Variants in RANBP2 observed in about 807,000 individuals in gnomAD.
RANBP2 encodes the protein E3 SUMO-protein ligase RanBP2.
Under a neutral mutation model 303.6 loss-of-function variants are expected in RANBP2, and 57 were observed. The observed-to-expected ratio is 0.19, with a 90% CI of 0.15 to 0.23. The LOEUF is 0.23. Ranked by LOEUF, RANBP2 falls within the 10% of genes least tolerant of loss-of-function variation. The pLI is 1.00. For synonymous variants in RANBP2, 1,167 were observed against 1,301.5 expected, an observed-to-expected ratio of 0.90 and a Z score of 2.23; for missense variants, 3,138 against 3,780.8, an observed-to-expected ratio of 0.83 and a Z score of 4.46.
the RANBP2 span, among the ~76,000 whole-genome samples, chr2:109,519,687 A>G: frequency 4.6e-5 from 7 of 152,230 alleles, no homozygotes; most frequent in Non-Finnish European, 8.8e-5. Context: ...TCGGCTAGTT[A>G]GCATTTCATT....
At chr2:108,932,613 G>C in the RANBP2 span, among the ~76,000 whole-genome samples, 2 of 151,746 alleles carry the variant, frequency 1.3e-5, no homozygotes, top group African/African-American at 4.8e-5. Flanking sequence ...AGCAGCCAGG[G>C]AACGGTGGAG....
chr2:109,531,945 A>G, the RANBP2 span, among the ~76,000 whole-genome samples: 5 of 152,244 alleles, frequency 3.3e-5, no homozygotes, highest in Non-Finnish European at 7.3e-5. Context: ...CACTTGGCCA[A>G]AGATCTTTTT....
At chr2:109,287,091 A>T in the RANBP2 span, among the ~76,000 whole-genome samples, 2 of 152,108 alleles carry the variant, frequency 1.3e-5, no homozygotes, top group African/African-American at 4.8e-5. Flanking sequence ...CTGTGATCTC[A>T]TCTGTGACAT....
chr2:108,870,363 C>T, the RANBP2 span, among the ~76,000 whole-genome samples: 6 of 152,214 alleles, frequency 3.9e-5, no homozygotes, highest in South Asian at 2.1e-4. Context: ...GAAGGACTTA[C>T]GCAGTACCAT....
the RANBP2 span, among the ~76,000 whole-genome samples, chr2:109,224,668 G>A: frequency 6.6e-6 from 1 of 152,188 alleles, no homozygotes; most frequent in South Asian, 2.1e-4. Flanking sequence ...GACCAACCTA[G>A]CTAACATGGT....
the RANBP2 span, among the ~76,000 whole-genome samples, chr2:109,419,262 G>T: frequency 2.0e-5 from 3 of 152,168 alleles, no homozygotes; most frequent in African/African-American, 4.8e-5. Context: ...CTGGAACACG[G>T]CCTGACTACA....
chr2:109,012,641 G>A, the RANBP2 span, among the ~76,000 whole-genome samples: 5 of 152,154 alleles, frequency 3.3e-5, no homozygotes, highest in African/African-American at 7.2e-5. Flanking sequence ...TCGGCCAGGC[G>A]CGGTGGCTCA....
At chr2:109,107,096 C>G in the RANBP2 span, among the ~76,000 whole-genome samples, 1 of 151,900 alleles carries the variant, frequency 6.6e-6, no homozygotes, top group Non-Finnish European at 1.5e-5. Context: ...TGCCACCGTG[C>G]CCGGCTAGTT....
At chr2:109,547,022 G>A in the RANBP2 span, among the ~76,000 whole-genome samples, 2 of 152,158 alleles carry the variant, frequency 1.3e-5, no homozygotes, top group African/African-American at 4.8e-5. Flanking sequence ...CTAAAGGCAG[G>A]ATACAGATGT....
At chr2:108,883,931 T>A in the RANBP2 span, 1 of 125,780 alleles carries the variant, frequency 8.0e-6, no homozygotes, top group African/African-American at 2.9e-5. Flanking sequence ...TTTGATTTTT[T>A]GTTTGAGGCA....
the RANBP2 span, among the ~76,000 whole-genome samples, chr2:109,421,661 C>T: frequency 1.3e-5 from 2 of 152,176 alleles, no homozygotes; most frequent in Non-Finnish European, 2.9e-5. Flanking sequence ...GGCTTCTCCC[C>T]CAGGGGAGGG....
At chr2:109,481,889 C>T in the RANBP2 span, among the ~76,000 whole-genome samples, 1 of 152,148 alleles carries the variant, frequency 6.6e-6, no homozygotes, top group Non-Finnish European at 1.5e-5. Flanking sequence ...ACTGTTTTAT[C>T]ACCACGGAAT....
At chr2:109,734,050 G>A in the RANBP2 span, among the ~76,000 whole-genome samples, 4 of 151,758 alleles carry the variant, frequency 2.6e-5, no homozygotes, top group Admixed American at 1.3e-4. Flanking sequence ...ATGATGTCGG[G>A]TGCCTGTAAT....
chr2:108,848,317 T>G, the RANBP2 span, among the ~76,000 whole-genome samples: 1 of 152,174 alleles, frequency 6.6e-6, no homozygotes, highest in Non-Finnish European at 1.5e-5. Flanking sequence ...TCACCACTTG[T>G]GTGCAGCAGT....
At chr2:109,288,421 A>C in the RANBP2 span, among the ~76,000 whole-genome samples, 1 of 152,342 alleles carries the variant, frequency 6.6e-6, no homozygotes, top group South Asian at 2.1e-4. Flanking sequence ...GAATGTGGAT[A>C]TGCCAGCTTT....
the RANBP2 span, among the ~76,000 whole-genome samples, chr2:109,715,524 G>T: frequency 6.6e-6 from 1 of 152,152 alleles, no homozygotes; most frequent in Non-Finnish European, 1.5e-5. Flanking sequence ...ACCAGGCAAG[G>T]TGTGAGGAAA....
chr2:108,764,231 G>A lies in RANBP2; in HGVS notation c.3692G>A (p.Arg1231His). 1.9e-6 allele frequency: 3 copies of A among 1,613,996 alleles called. No individual in the cohort carries two copies. Among genetic ancestry groups the A allele is most frequent in the Non-Finnish European group, 2.5e-6 (3 of 1,179,966 alleles). The change falls in exon 20 of 29, where the codon CGC (arginine) becomes CAC (histidine). Residue 1231 changes from arginine (R) to histidine (H), a missense_variant. This residue lies in a region of RANBP2 where 72 missense variants were observed against 119.5 expected (regional missense o/e 0.60). Transcript: ENST00000283195. ...ILRHKTSGKI[R>H]LLMRREQVLK... The stretch of plus-strand genomic sequence containing the variant: ...AGGCATAAAACATCTGGTAAAATTC[G>A]CCTTCTAATGAGACGAGAGCAAGTA...
At chr2:108,907,603 G>A in the RANBP2 span, among the ~76,000 whole-genome samples, 1 of 151,406 alleles carries the variant, frequency 6.6e-6, no homozygotes, top group Non-Finnish European at 1.5e-5. Context: ...AGCCGAGATC[G>A]CACCACTGCA....
At chr2:109,250,161 G>A in the RANBP2 span, among the ~76,000 whole-genome samples, 5 of 150,120 alleles carry the variant, frequency 3.3e-5, no homozygotes, top group African/African-American at 1.2e-4. Flanking sequence ...TGTCTTTAAG[G>A]TTTTTCTCCA....
Sources: gnomAD v4.1 joint callset for allele counts (sites outside exome capture counted in the v4.1 genomes callset) on GRCh38, gnomAD v4.1.1 for gene constraint, gnomAD v4.1.1 regional missense constraint, MANE v1.5 for transcripts, NCBI Gene and HGNC (gene_info 2026-07-23, HGNC 2026-07-21) for gene names.